ZNF670: variants seen among roughly 807,000 people sequenced by gnomAD.
The protein encoded by ZNF670 is zinc finger protein 670.
Under a neutral mutation model 10.9 loss-of-function variants are expected in ZNF670, and 7 were observed. The observed-to-expected ratio is 0.64, with a 90% CI of 0.36 to 1.20. The LOEUF is 1.20. ZNF670 is among the 50% of genes most tolerant of loss of function. The pLI, the probability that ZNF670 is intolerant of heterozygous loss-of-function variation, is 0.02. For synonymous variants in ZNF670, 136 were observed against 152.7 expected, an observed-to-expected ratio of 0.89 and a Z score of 0.81; for missense variants, 446 against 458.6, an observed-to-expected ratio of 0.97 and a Z score of 0.25.
chr1:247,038,958 C>T, intron 2 of ZNF670, 88 bp from the exon 3 acceptor site: 2 of 979,928 alleles, frequency 2.0e-6, no homozygotes, highest in East Asian at 2.7e-5. Context: ...GTGACCATAA[C>T]TAATTTTTTT....
Position 247,038,034 on chromosome 1 carries a change from T to A in ZNF670, c.585A>T (p.Lys195Asn). ...TATCACAATGTTTACATTTATATGT[T>A]TTCTCTCCAGTGTAAGTGCTCTGAG... ...QMPQSTYTGE[K>N]TYKCKHCDKA... Residue 195 changes from lysine to asparagine, a missense_variant, in exon 4 of 4, where the codon AAA becomes AAT. By Grantham distance (94) the Lys-to-Asn change is moderately conservative. Coordinates refer to ENST00000366503, the MANE Select transcript of ZNF670 (RefSeq NM_033213.5). 6.2e-7 allele frequency: 1 copy of A among 1,614,114 alleles called. No individual in the cohort carries two copies. The highest frequency in any genetic ancestry group is 8.5e-7 in the Non-Finnish European group (1 of 1,179,996).
At position 247,035,969 on chromosome 1, in the gene ZNF670, T is replaced by C. The variant is rs1670140210; in HGVS notation, c.*1480A>G. Among the ~76,000 whole-genome samples the C allele has an allele frequency of 6.6e-6, 1 of 152,170 alleles. No individual in the cohort carries two copies. Among genetic ancestry groups the C allele is most frequent in the Non-Finnish European group, 1.5e-5 (1 of 68,034 alleles). Reference sequence around the variant, plus strand: ...GAGCATAAGACTGGTGCTCAAACAGTTTTTGACTTCGGAGCATTTCAGATT... The same window carrying C: ...GAGCATAAGACTGGTGCTCAAACAGCTTTTGACTTCGGAGCATTTCAGATT... On this transcript the variant is annotated 3_prime_UTR_variant, in exon 4 of 4. Transcript: ENST00000366503.
At chr1:247,048,433 G>A (rs756068371) in intron 1 of ZNF670, among the ~76,000 whole-genome samples, 2 of 152,142 alleles carry the variant, frequency 1.3e-5, no homozygotes, top group Non-Finnish European at 2.9e-5. Context: ...TTTGGTCAAA[G>A]CCATTTAACA....
intron 1 of ZNF670, among the ~76,000 whole-genome samples, chr1:247,074,700 C>T (rs1424318221): frequency 1.3e-5 from 2 of 152,080 alleles, no homozygotes; most frequent in Non-Finnish European, 2.9e-5. Flanking sequence ...ACCTAGATCC[C>T]TCCCATGCAC....
intron 2 of ZNF670, 36 bp from the exon 3 acceptor site, chr1:247,038,906 A>T: frequency 6.4e-7 from 1 of 1,565,368 alleles, no homozygotes; most frequent in Non-Finnish European, 8.8e-7. Context: ...TCAAATGATT[A>T]GAAACTTTAA....
In ZNF670 at chr1:247,037,315, A is replaced by T; in HGVS notation, c.*134T>A. ...GAACTAGGAAAATTGCATACATTCT[A>T]ATCTTCCTTACATGTGTTGGGTTTC... On this transcript the variant is annotated 3_prime_UTR_variant, in exon 4 of 4. Transcript: ENST00000366503. The T allele has an allele frequency of 9.1e-7, 1 of 1,097,366 alleles. No individual in the cohort carries two copies. The allele number at this position is 1,097,366 out of a possible 1,614,324, so 68.0% of individuals were successfully genotyped here. A position where few individuals can be genotyped will look rare whatever the true frequency, so the allele number is the denominator to read the frequency against.
chr1:247,056,971 G>A (rs1021890198), intron 1 of ZNF670, among the ~76,000 whole-genome samples: 10 of 152,152 alleles, frequency 6.6e-5, no homozygotes, highest in Admixed American at 2.6e-4. Context: ...CATGAGCACA[G>A]GAGACCAAAC....
chr1:247,050,617 A>G lies in ZNF670; in HGVS notation c.4-11080T>C, dbSNP rs534711372. Among the ~76,000 whole-genome samples the G allele has an allele frequency of 1.4e-3, 210 of 152,074 alleles. 2 individuals carry two copies. The highest frequency in any genetic ancestry group is 4.8e-3 in the African/African-American group (201 of 41,496). ...CAGCCACCCGAATAGCTGGGACTAC[A>G]AGCATGCACCACCACGCCCAACTAA... On this transcript the variant is annotated intron_variant, in intron 1 of 3. Transcript: ENST00000366503.
intron 1 of ZNF670, among the ~76,000 whole-genome samples, chr1:247,072,810 A>ATATATATATG (rs1553323562): frequency 2.2e-5 from 1 of 44,604 alleles, no homozygotes; most frequent in African/African-American, 1.6e-4. Context: ...GTGTGTATAT[A>ATATATATATG]TATATATATA....
chr1:247,038,246 GAGA>G lies in ZNF670; in HGVS notation c.370_372del (p.Ser124del). Reference sequence around the variant, plus strand: ...CACTCAAATAGTTTGTTTCCAATGTGAGACAGGATGTGCCTATGAAGGGCTGAA... The same window carrying G: ...CACTCAAATAGTTTGTTTCCAATGTGCAGGATGTGCCTATGAAGGGCTGAA... On this transcript the variant is annotated inframe_deletion, in exon 4 of 4. Coordinates refer to ENST00000366503, the MANE Select transcript of ZNF670 (RefSeq NM_033213.5). The G allele has an allele frequency of 6.2e-7, 1 of 1,614,162 alleles. No homozygotes were observed. Among genetic ancestry groups the G allele is most frequent in the Non-Finnish European group, 8.5e-7 (1 of 1,180,030 alleles).
intron 1 of ZNF670, among the ~76,000 whole-genome samples, chr1:247,046,872 G>A (rs1006637838): frequency 2.0e-5 from 3 of 152,208 alleles, no homozygotes; most frequent in African/African-American, 7.2e-5. Flanking sequence ...GGTTGCCCAA[G>A]GCAACAGGTA....
chr1:247,072,797 A>AGT (rs71573078), intron 1 of ZNF670, among the ~76,000 whole-genome samples: 26 of 81,180 alleles, frequency 3.2e-4, no homozygotes, highest in East Asian at 2.9e-3. Context: ...CAAAAAAAAA[A>AGT]GTGTGTGTAT....
At chr1:247,078,289 C>CT (rs1671299881) in intron 1 of ZNF670, among the ~76,000 whole-genome samples, 1 of 152,228 alleles carries the variant, frequency 6.6e-6, no homozygotes, top group Non-Finnish European at 1.5e-5. Context: ...GCAGGAACCC[C>CT]GAACCCCAAG....
chr1:247,046,583 C>T (rs943851879), intron 1 of ZNF670, among the ~76,000 whole-genome samples: 5 of 152,136 alleles, frequency 3.3e-5, no homozygotes, highest in African/African-American at 1.2e-4. Flanking sequence ...TCAGATGTAT[C>T]AGGAATGTAG....
chr1:247,067,070 A>G (rs1670996852), intron 1 of ZNF670, among the ~76,000 whole-genome samples: 2 of 152,196 alleles, frequency 1.3e-5, no homozygotes, highest in African/African-American at 2.4e-5. Context: ...GGTACATGTC[A>G]TCAAGGACCT....
At chr1:247,053,509 G>A (rs547065386) in intron 1 of ZNF670, among the ~76,000 whole-genome samples, 8 of 152,196 alleles carry the variant, frequency 5.3e-5, no homozygotes, top group South Asian at 2.1e-4. Flanking sequence ...GGTGGCAGGC[G>A]CCTGTAGTCC....
Position 247,061,213 on chromosome 1 carries a change from G to A in ZNF670, c.3+17381C>T, listed in dbSNP as rs564613653. On this transcript the variant is annotated intron_variant, in intron 1 of 3. Coordinates refer to ENST00000366503, the MANE Select transcript of ZNF670 (RefSeq NM_033213.5). ...TTTTTTTTTTTTGAGATGGAGTCTCGCTCTGTTGCCCAGGCTGGAGTGCAG... is the reference window on the plus strand; with the variant it reads ...TTTTTTTTTTTTGAGATGGAGTCTCACTCTGTTGCCCAGGCTGGAGTGCAG... 2.8e-5 allele frequency among the ~76,000 whole-genome samples: 4 copies of A among 143,820 alleles called. No homozygotes were observed. The South Asian group carries it at 8.6e-4, about 31-fold the overall frequency. The allele number at this position is 143,820 out of a possible 152,430, so 94.4% of individuals were successfully genotyped here. A position where few individuals can be genotyped will look rare whatever the true frequency, so the allele number is the denominator to read the frequency against.
intron 1 of ZNF670, among the ~76,000 whole-genome samples, chr1:247,052,717 T>A (rs1385778425): frequency 6.6e-6 from 1 of 152,262 alleles, no homozygotes; most frequent in South Asian, 2.1e-4. Flanking sequence ...ATGGCTTGCG[T>A]TGGTTGGCCA....
At chr1:247,071,737 T>C (rs1341628840) in intron 1 of ZNF670, among the ~76,000 whole-genome samples, 1 of 152,270 alleles carries the variant, frequency 6.6e-6, no homozygotes, top group African/African-American at 2.4e-5. Flanking sequence ...ATTTATACTG[T>C]TATTTTTTAA....
Sources: gnomAD v4.1 joint callset for allele counts (sites outside exome capture counted in the v4.1 genomes callset) on GRCh38, gnomAD v4.1.1 for gene constraint, MANE v1.5 for transcripts, NCBI Gene and HGNC (gene_info 2026-07-23, HGNC 2026-07-21) for gene names.